The following LAMA2 variants were observed in gnomAD, a reference collection of about 807,000 sequenced individuals.
LAMA2 encodes the protein laminin subunit alpha 2.
A neutral mutation model predicts 364.8 loss-of-function variants in LAMA2; 269 were observed. The observed-to-expected ratio is 0.74, with a 90% CI of 0.67 to 0.82. The LOEUF (loss-of-function observed/expected upper bound fraction) is 0.82, where lower values mean the gene tolerates loss of function less well. LAMA2 is among the 40% of genes least tolerant of loss of function. The pLI, the probability that LAMA2 is intolerant of heterozygous loss-of-function variation, is 0.00. For missense variants in LAMA2, 3,807 were observed against 3,873.2 expected, an observed-to-expected ratio of 0.98 and a Z score of 0.45; for synonymous variants, 1,379 against 1,370.6, an observed-to-expected ratio of 1.01 and a Z score of -0.14.
intron 28 of LAMA2, among the ~76,000 whole-genome samples, chr6:129,322,323 TACATATGTAC>T (rs1294692386): frequency 1.3e-5 from 2 of 152,224 alleles, no homozygotes. Context: ...CTTTCCAATA[TACATATGTAC>T]ACATAGTGTA....
At chr6:128,939,862 G>A (rs1780051562) in intron 1 of LAMA2, among the ~76,000 whole-genome samples, 1 of 152,112 alleles carries the variant, frequency 6.6e-6, no homozygotes, top group Admixed American at 6.5e-5. Flanking sequence ...CTCCCTGAGT[G>A]CTCTGAGTAA....
chr6:128,932,244 T>A (rs1779529979), intron 1 of LAMA2, among the ~76,000 whole-genome samples: 1 of 152,146 alleles, frequency 6.6e-6, no homozygotes, highest in African/African-American at 2.4e-5. Flanking sequence ...GAGCTCTGGG[T>A]CATTGACTGC....
intron 1 of LAMA2, among the ~76,000 whole-genome samples, chr6:128,984,436 C>G (rs1176080642): frequency 1.3e-5 from 2 of 152,154 alleles, no homozygotes; most frequent in Non-Finnish European, 2.9e-5. Flanking sequence ...TCATCAGAGA[C>G]AAGTATCCAC....
intron 35 of LAMA2, among the ~76,000 whole-genome samples, chr6:129,388,675 A>C (rs556622194): frequency 1.7e-4 from 26 of 152,286 alleles, no homozygotes; most frequent in African/African-American, 5.8e-4. Context: ...TGATTTATAC[A>C]CGCACACACA....
intron 12 of LAMA2, among the ~76,000 whole-genome samples, chr6:129,228,339 G>T (rs902667310): frequency 1.3e-5 from 2 of 152,040 alleles, no homozygotes; most frequent in African/African-American, 4.8e-5. Context: ...CCACTGTCCT[G>T]CACCCACTGT....
At chr6:128,925,772 A>G (rs999755779) in intron 1 of LAMA2, among the ~76,000 whole-genome samples, 1 of 152,122 alleles carries the variant, frequency 6.6e-6, no homozygotes, top group African/African-American at 2.4e-5. Context: ...GCGTTTACAT[A>G]GACACAAATT....
At chr6:129,012,952 C>T (rs1191002447) in intron 1 of LAMA2, among the ~76,000 whole-genome samples, 2 of 152,100 alleles carry the variant, frequency 1.3e-5, no homozygotes, top group Non-Finnish European at 2.9e-5. Context: ...ACAGTGATTC[C>T]TCAATGAGCA....
chr6:129,203,430 A>G lies in LAMA2; in HGVS notation c.1782+10577A>G, dbSNP rs79854855. Among the ~76,000 whole-genome samples the G allele has an allele frequency of 4.5e-3, 689 of 152,308 alleles. 5 individuals carry two copies. The highest frequency in any genetic ancestry group is 7.7e-3 in the Non-Finnish European group (526 of 68,024). On this transcript the variant is annotated intron_variant, in intron 12 of 64. Transcript: ENST00000421865. ...ACCCCTTGTGGTTGAGTGAGGCAGTATTATGTCAATTCTAAACCTGGCATT... is the reference window on the plus strand; with the variant it reads ...ACCCCTTGTGGTTGAGTGAGGCAGTGTTATGTCAATTCTAAACCTGGCATT...
Position 129,516,394 on chromosome 6 carries a change from C to A in LAMA2, c.*47C>A, listed in dbSNP as rs758527299. On this transcript the variant is annotated 3_prime_UTR_variant, in exon 65 of 65. Transcript: ENST00000421865. ...GAAGAGTCTGTCAAAACAAGTATAT[C>A]AAGTAAAACAAACAAATATATTTTA... 11 of 1,556,432 alleles carry A rather than the reference C, an allele frequency of 7.1e-6. No individual in the cohort carries two copies. Among genetic ancestry groups the A allele is most frequent in the Admixed American group, 3.5e-5 (2 of 57,334 alleles).
chr6:128,979,475 T>C (rs1027865391), intron 1 of LAMA2, among the ~76,000 whole-genome samples: 4 of 152,158 alleles, frequency 2.6e-5, no homozygotes, highest in African/African-American at 9.7e-5. Context: ...AGCTGGTTCA[T>C]TTGCCAAGGA....
Position 129,056,631 on chromosome 6 carries a change from A to T in LAMA2, c.284-3153A>T, listed in dbSNP as rs183897283. ...ATAAATAGCTTAAAACATAGTCTTC[A>T]TGTTTTCAGTAAATGTTATGACAGT... is the stretch of plus-strand genomic sequence containing the variant. On this transcript the variant is annotated intron_variant, in intron 2 of 64. Transcript: ENST00000421865. 5.2e-4 allele frequency among the ~76,000 whole-genome samples: 79 copies of T among 152,314 alleles called. 2 individuals are homozygous for T. In the East Asian group the frequency reaches 0.014, roughly 27 times the overall value.
intron 1 of LAMA2, among the ~76,000 whole-genome samples, chr6:129,022,274 G>T (rs1785493802): frequency 6.6e-6 from 1 of 152,104 alleles, no homozygotes; most frequent in African/African-American, 2.4e-5. Flanking sequence ...CATTTTCGAG[G>T]TTTTTAAGGC....
At chr6:129,408,717 C>T (rs1211064593) in intron 40 of LAMA2, among the ~76,000 whole-genome samples, 2 of 152,140 alleles carry the variant, frequency 1.3e-5, no homozygotes, top group Non-Finnish European at 2.9e-5. Context: ...ATTGGGCACT[C>T]AGCGGTGGCT....
At chr6:129,123,026 G>A (rs944872516) in intron 4 of LAMA2, among the ~76,000 whole-genome samples, 2 of 152,170 alleles carry the variant, frequency 1.3e-5, no homozygotes, top group Non-Finnish European at 2.9e-5. Context: ...GCGAGGCCGG[G>A]TGTGGTGGCT....
chr6:129,207,517 C>T (rs1782756091), intron 12 of LAMA2, among the ~76,000 whole-genome samples: 1 of 152,142 alleles, frequency 6.6e-6, no homozygotes, highest in South Asian at 2.1e-4. Context: ...CTTAGAGATT[C>T]TTTTTTCTTT....
intron 19 of LAMA2, 25 bp from the exon 20 acceptor site, chr6:129,291,589 T>C (rs1789705141): frequency 3.2e-6 from 5 of 1,565,410 alleles, no homozygotes; most frequent in Non-Finnish European, 4.4e-6. Flanking sequence ...GTTTTCCTGA[T>C]CACAGGTCTC....
At chr6:129,097,189 G>A (rs1251817884) in intron 3 of LAMA2, among the ~76,000 whole-genome samples, 2 of 152,114 alleles carry the variant, frequency 1.3e-5, no homozygotes, top group African/African-American at 2.4e-5. Context: ...TATTATTATA[G>A]CACTTTTCAT....
At chr6:129,256,956 C>T (rs1786736158) in intron 14 of LAMA2, among the ~76,000 whole-genome samples, 1 of 150,958 alleles carries the variant, frequency 6.6e-6, no homozygotes, top group African/African-American at 2.4e-5. Context: ...AAGGCAGCAC[C>T]AAGACAACGT....
At chr6:129,028,354 G>C (rs76062143) in intron 1 of LAMA2, among the ~76,000 whole-genome samples, 3,181 of 151,544 alleles carry the variant, frequency 0.021, 112 homozygotes, top group African/African-American at 0.072. Flanking sequence ...TTTGGGTCCA[G>C]CATTACATTA....
Sources: allele counts gnomAD v4.1 joint callset (sites outside exome capture counted in the v4.1 genomes callset), GRCh38; gene constraint gnomAD v4.1.1; transcripts MANE v1.5; gene names NCBI Gene and HGNC (gene_info 2026-07-23, HGNC 2026-07-21).